CSMD1: variants seen among roughly 807,000 people sequenced by gnomAD.
CSMD1 encodes the protein CUB and Sushi multiple domains 1, also known as CUB and sushi domain-containing protein 1.
Under a neutral mutation model 417.5 loss-of-function variants are expected in CSMD1, and 213 were observed. The observed-to-expected ratio is 0.51, with a 90% CI of 0.46 to 0.57. The LOEUF is 0.57. CSMD1 is among the 20% of genes least tolerant of loss of function. CSMD1 has a pLI of 0.00. For synonymous variants in CSMD1, 2,862 were observed against 1,736.8 expected (o/e 1.65, Z -16.11); for missense variants, 6,923 against 4,529.7 (o/e 1.53, Z -15.17).
intron 23 of CSMD1, among the ~76,000 whole-genome samples, chr8:3,334,234 G>A (rs1028638600): frequency 1.3e-5 from 2 of 152,126 alleles, no homozygotes; most frequent in Non-Finnish European, 2.9e-5. Context: ...TAATTTCAGG[G>A]ACTCCAAATG....
chr8:3,990,568 G>T (rs899984502), intron 5 of CSMD1, among the ~76,000 whole-genome samples: 1 of 152,154 alleles, frequency 6.6e-6, no homozygotes, highest in African/African-American at 2.4e-5. Flanking sequence ...AATTAGAAAA[G>T]TGTCCCAAAT....
At chr8:3,420,931 T>C (rs559833576) in intron 12 of CSMD1, among the ~76,000 whole-genome samples, 3 of 152,308 alleles carry the variant, frequency 2.0e-5, no homozygotes, top group African/African-American at 7.2e-5. Context: ...AGTTATCTAA[T>C]AATCAGAATT....
intron 42 of CSMD1, among the ~76,000 whole-genome samples, chr8:3,115,410 C>G (rs1816805636): frequency 6.6e-6 from 1 of 152,158 alleles, no homozygotes; most frequent in Non-Finnish European, 1.5e-5. Flanking sequence ...CCATGTTGGC[C>G]AGGCTTGTCT....
rs144061012 is a variant in CSMD1 at position 3,559,533 on chromosome 8, G to T, written c.1344+15412C>A. ...AGGAGGAGAAGGAAGAGGAAAAATG[G>T]AAGATGATAAAGGAAAAGAATTGGG... On this transcript the variant is annotated intron_variant, in intron 10 of 69. Transcript: ENST00000635120. Among the ~76,000 whole-genome samples the T allele has an allele frequency of 1.3e-3, 205 of 152,272 alleles. 1 individual carries two copies. The East Asian group carries it at 0.035, about 26-fold the overall frequency.
chr8:4,194,309 T>C (rs929627586), intron 3 of CSMD1, among the ~76,000 whole-genome samples: 1 of 152,166 alleles, frequency 6.6e-6, no homozygotes, highest in Non-Finnish European at 1.5e-5. Flanking sequence ...AAGTCATTCC[T>C]ATAGGATGGG....
intron 50 of CSMD1, among the ~76,000 whole-genome samples, chr8:3,051,030 G>C (rs1028905262): frequency 6.6e-6 from 1 of 152,190 alleles, no homozygotes; most frequent in African/African-American, 2.4e-5. Flanking sequence ...ATTGTGGAAA[G>C]CAGTGTGGTG....
intron 2 of CSMD1, among the ~76,000 whole-genome samples, chr8:4,607,836 T>G (rs1417215105): frequency 6.6e-6 from 1 of 152,212 alleles, no homozygotes; most frequent in Non-Finnish European, 1.5e-5. Flanking sequence ...CTCTGTACTT[T>G]CACTATTTTC....
chr8:3,939,729 A>G (rs746265658), intron 5 of CSMD1, among the ~76,000 whole-genome samples: 11 of 152,126 alleles, frequency 7.2e-5, no homozygotes, highest in Admixed American at 6.6e-4. Flanking sequence ...AACTTGGATG[A>G]ACCTGGAGAC....
intron 5 of CSMD1, among the ~76,000 whole-genome samples, chr8:3,856,671 G>T (rs1270872678): frequency 6.6e-6 from 1 of 152,156 alleles, no homozygotes; most frequent in Non-Finnish European, 1.5e-5. Context: ...GAACTCCTAA[G>T]TGCCCACATG....
At chr8:3,625,731 C>G (rs979925679) in intron 7 of CSMD1, among the ~76,000 whole-genome samples, 1 of 152,092 alleles carries the variant, frequency 6.6e-6, no homozygotes, top group Non-Finnish European at 1.5e-5. Flanking sequence ...ATTATTCTTA[C>G]TACTCCCTAC....
chr8:3,429,660 C>G (rs542451763), intron 12 of CSMD1, among the ~76,000 whole-genome samples: 21 of 152,300 alleles, frequency 1.4e-4, no homozygotes, highest in African/African-American at 4.8e-4. Flanking sequence ...TCGAATTGCA[C>G]ACTTTTGAAT....
intron 1 of CSMD1, among the ~76,000 whole-genome samples, chr8:4,661,700 A>G (rs56394209): frequency 6.6e-6 from 1 of 152,222 alleles, no homozygotes; most frequent in Non-Finnish European, 1.5e-5. Flanking sequence ...GGAATGTAAA[A>G]AAGTCCCAAA....
Position 4,109,526 on chromosome 8 carries a change from G to T in CSMD1, c.416-77427C>A, listed in dbSNP as rs138534658. On this transcript the variant is annotated intron_variant, in intron 3 of 69. Coordinates refer to ENST00000635120, the MANE Select transcript of CSMD1 (RefSeq NM_033225.6). ...TGAATAAGTAGACTTATTGTCAGTA[G>T]TCACTGAAGTTTTCAGGCAAAATTG... Among the ~76,000 whole-genome samples, 709 of 152,198 alleles carry T rather than the reference G, an allele frequency of 4.7e-3. 12 individuals carry two copies. The highest frequency in any genetic ancestry group is 4.8e-3 in the Non-Finnish European group (324 of 67,996).
intron 3 of CSMD1, among the ~76,000 whole-genome samples, chr8:4,346,799 T>C (rs1359991294): frequency 6.6e-6 from 1 of 152,216 alleles, no homozygotes; most frequent in Non-Finnish European, 1.5e-5. Context: ...AAGCTCTGGA[T>C]ACAATGTCCC....
chr8:3,098,935 T>A (rs998336050), intron 46 of CSMD1, among the ~76,000 whole-genome samples: 9 of 152,000 alleles, frequency 5.9e-5, no homozygotes, highest in Non-Finnish European at 2.9e-5. Flanking sequence ...GAAACTGTTG[T>A]AAGGACTAGG....
intron 37 of CSMD1, among the ~76,000 whole-genome samples, chr8:3,177,527 T>C (rs533797998): frequency 6.6e-6 from 1 of 152,294 alleles, no homozygotes; most frequent in African/African-American, 2.4e-5. Flanking sequence ...AAAAGGTGTG[T>C]TTCAATCTCT....
rs974667396 is a variant in CSMD1, at chr8:4,672,112, G to C, written c.86-34554C>G. On this transcript the variant is annotated intron_variant, in intron 1 of 69. Transcript: ENST00000635120. ...CGGCTTTCTACAGTGACAGGACCTG[G>C]TCACTGATCTTCCCATTGCATGAGG... is the stretch of plus-strand genomic sequence containing the variant. Among the ~76,000 whole-genome samples, 16 of 152,174 alleles carry C rather than the reference G, an allele frequency of 1.1e-4. 1 individual carries two copies. Among genetic ancestry groups the C allele is most frequent in the African/African-American group, 2.4e-5 (1 of 41,428 alleles).
intron 3 of CSMD1, among the ~76,000 whole-genome samples, chr8:4,412,938 G>C (rs1393315336): frequency 6.6e-6 from 1 of 152,134 alleles, no homozygotes; most frequent in Non-Finnish European, 1.5e-5. Context: ...TGACGCCTCA[G>C]GTTAACAGAA....
chr8:4,939,956 AG>A (rs1191540250), intron 1 of CSMD1, among the ~76,000 whole-genome samples: 3 of 152,232 alleles, frequency 2.0e-5, no homozygotes, highest in Non-Finnish European at 4.4e-5. Flanking sequence ...ATTTAAAAAA[AG>A]ATTGGGAAAA....
Sources: gnomAD v4.1 joint callset for allele counts (sites outside exome capture counted in the v4.1 genomes callset) on GRCh38, gnomAD v4.1.1 for gene constraint, MANE v1.5 for transcripts, NCBI Gene and HGNC (gene_info 2026-07-23, HGNC 2026-07-21) for gene names.